GLYATL2: variants seen among roughly 807,000 people sequenced by gnomAD.
GLYATL2 encodes the protein glycine N-acyltransferase-like protein 2.
In GLYATL2, 25 loss-of-function variants were observed where a neutral mutation model predicts 21.4. That is an observed-to-expected ratio of 1.17 (90% CI 0.85 to 1.63). The LOEUF (loss-of-function observed/expected upper bound fraction) is 1.63, where lower values mean the gene tolerates loss of function less well. Among genes scored for constraint, GLYATL2 ranks in the 40% most tolerant of loss-of-function variants. GLYATL2 has a pLI of 0.00. For synonymous variants in GLYATL2, 114 were observed against 118.2 expected (o/e 0.96, Z 0.23); for missense variants, 361 against 343.3 (o/e 1.05, Z -0.41).
At chr11:58,890,204 G>A (rs1180023565) in intron 1 of GLYATL2, among the ~76,000 whole-genome samples, 2 of 152,076 alleles carry the variant, frequency 1.3e-5, no homozygotes, top group African/African-American at 2.4e-5. Context: ...GTGATATTTA[G>A]TTTTCTGTTA....
chr11:58,878,606 A>C (rs1854280209), intron 1 of GLYATL2, among the ~76,000 whole-genome samples: 1 of 152,228 alleles, frequency 6.6e-6, no homozygotes, highest in East Asian at 1.9e-4. Flanking sequence ...ATGTTGCAGA[A>C]TTTATAAAAT....
chr11:58,855,012 C>T (rs1205274561), intron 1 of GLYATL2, among the ~76,000 whole-genome samples: 4 of 152,210 alleles, frequency 2.6e-5, no homozygotes, highest in Admixed American at 1.3e-4. Flanking sequence ...CAGTTACTTC[C>T]TCCATTTAAA....
At chr11:58,905,713 GACCGGGATGGGTCATCTGGACAAATA>G, upstream of GLYATL2, 12 of 424,216 alleles carry the variant, frequency 2.8e-5, no homozygotes, top group Admixed American at 4.9e-5. Context: ...GGATCGCTGG[GACCGGGATGGGTCATCTGGACAAATA>G]GGGAGGGTGG....
chr11:58,867,808 A>G, intron 1 of GLYATL2, among the ~76,000 whole-genome samples: 1 of 148,886 alleles, frequency 6.7e-6, no homozygotes, highest in East Asian at 2.2e-4. Context: ...TTCGGTTTTG[A>G]ACCACAGACT....
intron 1 of GLYATL2, among the ~76,000 whole-genome samples, chr11:58,861,599 A>G: frequency 6.6e-6 from 1 of 151,214 alleles, no homozygotes; most frequent in East Asian, 1.9e-4. Flanking sequence ...CCTTCATTCT[A>G]TTAACTATGG....
chr11:58,837,125 T>G lies in GLYATL2; in HGVS notation c.366A>C (p.Ser122=), dbSNP rs1565087119. Reference sequence around the variant, plus strand: ...TGGTTTTCATGTAATCTACCTGCACTGATTTTGAAGTTGCAACCTTTCTTA... The same window carrying G: ...TGGTTTTCATGTAATCTACCTGCACGGATTTTGAAGTTGCAACCTTTCTTA... ...EAIRKVATSK[S]VQVDYMKTIL... The change falls in exon 5 of 6, where the codon TCA becomes TCC. Residue 122 remains serine, a synonymous_variant. Transcript: ENST00000287275. 2 of 1,613,876 alleles carry G rather than the reference T, an allele frequency of 1.2e-6. No homozygotes were observed. Among genetic ancestry groups the G allele is most frequent in the Non-Finnish European group, 1.7e-6 (2 of 1,179,910 alleles).
At chr11:58,840,107 G>GAA (rs5792130) in intron 1 of GLYATL2, among the ~76,000 whole-genome samples, 36,343 of 150,586 alleles carry the variant, frequency 0.24, 4,797 homozygotes, top group East Asian at 0.47. Flanking sequence ...ATAATCTTCT[G>GAA]AAAAAAAAAT....
intron 3 of GLYATL2, among the ~76,000 whole-genome samples, chr11:58,837,801 C>T (rs961612386): frequency 1.4e-4 from 22 of 152,196 alleles, no homozygotes; most frequent in Admixed American, 6.5e-5. Flanking sequence ...CAGTGATTGG[C>T]TCTTGGTGTG....
intron 1 of GLYATL2, among the ~76,000 whole-genome samples, chr11:58,896,833 A>G (rs1265999258): frequency 3.9e-5 from 6 of 152,086 alleles, no homozygotes; most frequent in Non-Finnish European, 8.8e-5. Context: ...AGTCTTTTCC[A>G]ACGTTTCATA....
intron 1 of GLYATL2, among the ~76,000 whole-genome samples, chr11:58,874,848 G>A (rs1326705098): frequency 2.6e-5 from 4 of 151,988 alleles, no homozygotes; most frequent in African/African-American, 7.2e-5. Flanking sequence ...TATCCTTGTT[G>A]ACTTTCTGTC....
chr11:58,878,104 T>C (rs1026532759), intron 1 of GLYATL2, among the ~76,000 whole-genome samples: 3 of 152,234 alleles, frequency 2.0e-5, no homozygotes, highest in South Asian at 2.1e-4. Flanking sequence ...TACATCACTT[T>C]ACTTTTTTTG....
chr11:58,873,595 T>C (rs1282152564), intron 1 of GLYATL2, among the ~76,000 whole-genome samples: 1 of 152,222 alleles, frequency 6.6e-6, no homozygotes, highest in Non-Finnish European at 1.5e-5. Flanking sequence ...CGTTTATTGA[T>C]TTGAGTATGT....
intron 2 of GLYATL2, 122 bp downstream of exon 2, chr11:58,839,413 T>C: frequency 3.6e-6 from 2 of 550,416 alleles, no homozygotes; most frequent in Non-Finnish European, 6.5e-6. Context: ...ATTAAAGTAA[T>C]CTTTGCACAG....
chr11:58,859,423 A>G (rs1853892854), intron 1 of GLYATL2, among the ~76,000 whole-genome samples: 1 of 152,148 alleles, frequency 6.6e-6, no homozygotes, highest in Non-Finnish European at 1.5e-5. Context: ...ACTCAGAGAG[A>G]GAGAGAGAGA....
chr11:58,903,896 T>A (rs969016323), intron 1 of GLYATL2, among the ~76,000 whole-genome samples: 1 of 152,174 alleles, frequency 6.6e-6, no homozygotes, highest in African/African-American at 2.4e-5. Context: ...AGTGGATTAG[T>A]ATCTCCAAGT....
intron 3 of GLYATL2, 119 bp from the exon 4 acceptor site, chr11:58,837,516 G>A: frequency 1.1e-6 from 1 of 940,074 alleles, no homozygotes; most frequent in Admixed American, 2.4e-5. Context: ...TGAGACAGGT[G>A]TAGAAAATGG....
intron 1 of GLYATL2, among the ~76,000 whole-genome samples, chr11:58,875,390 G>A (rs1362223345): frequency 2.0e-5 from 3 of 152,158 alleles, no homozygotes; most frequent in Non-Finnish European, 4.4e-5. Flanking sequence ...AGCATTGATG[G>A]TCTTTACAAT....
intron 1 of GLYATL2, chr11:58,840,695 T>G (rs946497989): frequency 3.3e-5 from 5 of 151,682 alleles, no homozygotes; most frequent in South Asian, 4.2e-4. Flanking sequence ...AAAAACTACC[T>G]GGGTGTGGTG....
intron 1 of GLYATL2, among the ~76,000 whole-genome samples, chr11:58,883,808 A>G (rs1433250651): frequency 2.0e-5 from 3 of 152,202 alleles, no homozygotes; most frequent in African/African-American, 7.2e-5. Context: ...TATCGATGCA[A>G]AAATCCTCAA....
Sources: gnomAD v4.1 joint callset for allele counts (sites outside exome capture counted in the v4.1 genomes callset) on GRCh38, gnomAD v4.1.1 for gene constraint, MANE v1.5 for transcripts, NCBI Gene and HGNC (gene_info 2026-07-23, HGNC 2026-07-21) for gene names.